Variants in RANBP10 observed in about 807,000 individuals in gnomAD.
RANBP10 encodes the protein RAN binding protein 10, also known as ran-binding protein 10.
In RANBP10, 24 loss-of-function variants were observed where a neutral mutation model predicts 72.8. That is an observed-to-expected ratio of 0.33 (90% CI 0.24 to 0.46). RANBP10 has a LOEUF of 0.46. Among genes scored for constraint, RANBP10 ranks in the 20% least tolerant of loss-of-function variants. RANBP10 has a pLI of 1.00. For missense variants in RANBP10, 679 were observed against 817.5 expected (o/e 0.83, Z 2.07); for synonymous variants, 310 against 322.3 (o/e 0.96, Z 0.41).
At chr16:67,765,759 C>T (rs1038787789) in intron 3 of RANBP10, among the ~76,000 whole-genome samples, 3 of 152,056 alleles carry the variant, frequency 2.0e-5, no homozygotes, top group Non-Finnish European at 4.4e-5. Context: ...TGGCGTGAAC[C>T]CAGGAGGCGG....
intron 2 of RANBP10, among the ~76,000 whole-genome samples, chr16:67,788,417 T>C (rs546107126): frequency 6.6e-6 from 1 of 151,096 alleles, no homozygotes; most frequent in African/African-American, 2.4e-5. Flanking sequence ...CATGCCCGGC[T>C]AATTTTTTGT....
intron 2 of RANBP10, among the ~76,000 whole-genome samples, chr16:67,782,484 C>T (rs2054831067): frequency 1.3e-5 from 2 of 151,352 alleles, no homozygotes; most frequent in South Asian, 4.2e-4. Context: ...CGAAGTCTTG[C>T]TCTGTCACCC....
At chr16:67,773,612 C>T (rs568460458) in intron 2 of RANBP10, among the ~76,000 whole-genome samples, 1 of 152,218 alleles carries the variant, frequency 6.6e-6, no homozygotes, top group East Asian at 1.9e-4. Flanking sequence ...CCTCTGAAAT[C>T]AGCTATCCCA....
intron 5 of RANBP10, among the ~76,000 whole-genome samples, chr16:67,737,325 C>T (rs1452746417): frequency 2.0e-5 from 3 of 151,480 alleles, no homozygotes; most frequent in South Asian, 2.1e-4. Flanking sequence ...CTCAGCCTCC[C>T]GAGGAGCTGG....
intron 3 of RANBP10, among the ~76,000 whole-genome samples, chr16:67,749,318 A>G (rs2054150327): frequency 6.6e-6 from 1 of 152,204 alleles, no homozygotes; most frequent in Admixed American, 6.5e-5. Context: ...GCCTCTATTT[A>G]AACAAAGATT....
chr16:67,731,558 T>G lies in RANBP10; in HGVS notation c.803A>C (p.His268Pro). The G allele has an allele frequency of 6.2e-7, 1 of 1,614,098 alleles. No individual in the cohort carries two copies. The highest frequency in any genetic ancestry group is 8.5e-7 in the Non-Finnish European group (1 of 1,179,978). The change falls in exon 7 of 14, where the codon CAT becomes CCT. Residue 268 changes from histidine to proline, a missense_variant. Coordinates refer to ENST00000317506, the MANE Select transcript of RANBP10 (RefSeq NM_020850.3). Reference sequence around the variant, plus strand: ...AGCCGTGGCTGTGGCACAATACCCATGATGCACGAGGTAAGATGAAACCAT... The same window carrying G: ...AGCCGTGGCTGTGGCACAATACCCAGGATGCACGAGGTAAGATGAAACCAT... ...QNMVSSYLVH[H>P]GYCATATAFA...
rs761318560 is a variant in RANBP10 at position 67,738,021 on chromosome 16, C to A, written c.583G>T (p.Asp195Tyr). The A allele has an allele frequency of 1.3e-6, 2 of 1,590,430 alleles. No individual in the cohort carries two copies. Among genetic ancestry groups the A allele is most frequent in the South Asian group, 2.3e-5 (2 of 87,746 alleles). The change falls in exon 5 of 14, where the codon GAC becomes TAC. Residue 195 changes from aspartate to tyrosine, a missense_variant. Transcript: ENST00000317506. ...NGHSLGIAFT[D>Y]LPANLYPTVG... ...TCAATAGTAGTACTCACCGGGAGGTCTGTGAAGGCTATACCTGTGGGGGGA... is the reference window on the plus strand; with the variant it reads ...TCAATAGTAGTACTCACCGGGAGGTATGTGAAGGCTATACCTGTGGGGGGA...
intron 2 of RANBP10, among the ~76,000 whole-genome samples, chr16:67,780,249 C>A (rs13336189): frequency 0.3 from 44,953 of 151,398 alleles, 10,025 homozygotes; most frequent in African/African-American, 0.63. Flanking sequence ...AACAAACAAA[C>A]AAAAAAACAC....
chr16:67,740,406 TAA>T (rs1378162331), intron 4 of RANBP10, among the ~76,000 whole-genome samples: 2 of 152,142 alleles, frequency 1.3e-5, no homozygotes, highest in Non-Finnish European at 2.9e-5. Context: ...GCCCGGCAGA[TAA>T]AGTCTTATAT....
chr16:67,727,746 T>G lies in RANBP10; in HGVS notation c.1620+5A>C. On this transcript the variant is annotated splice_donor_5th_base_variant and intron_variant, in intron 12 of 13. Transcript: ENST00000317506. The stretch of plus-strand genomic sequence containing the variant: ...GCTCTGCATGAGGCCCGGCTCATCC[T>G]GTACCTGCAGCATCTCTGTGTGGGC... 1 of 1,614,164 alleles carries G rather than the reference T, an allele frequency of 6.2e-7. No individual in the cohort carries two copies. The highest frequency in any genetic ancestry group is 8.5e-7 in the Non-Finnish European group (1 of 1,180,032).
Position 67,731,479 on chromosome 16 carries a change from G to A in RANBP10, c.882C>T (p.Asn294=). The A allele has an allele frequency of 6.2e-7, 1 of 1,612,302 alleles. No homozygotes were observed. Among genetic ancestry groups the A allele is most frequent in the Non-Finnish European group, 8.5e-7 (1 of 1,178,320 alleles). The change falls in exon 7 of 14, where the codon AAC becomes AAT. Residue 294 remains asparagine (N), a synonymous_variant. Transcript: ENST00000317506. ...PIQEEQASIK[N]RQKIQKLVLE... is the part of the protein sequence containing the mutation. The stretch of plus-strand genomic sequence containing the variant: ...AAGTAGAATAAACCTTACTTTGTCT[G>A]TTCTTTATGGACGCCTGTTCTTCCT...
intron 3 of RANBP10, among the ~76,000 whole-genome samples, chr16:67,745,811 G>T (rs1381910769): frequency 6.6e-6 from 1 of 151,934 alleles, no homozygotes; most frequent in East Asian, 1.9e-4. Flanking sequence ...CTTGAGGTCA[G>T]GAGGTCAAGA....
At chr16:67,806,168 G>A (rs111503413) in intron 1 of RANBP10, 134 bp downstream of exon 1, 8 of 847,490 alleles carry the variant, frequency 9.4e-6, no homozygotes, top group African/African-American at 1.7e-5. Flanking sequence ...CACCACCCTG[G>A]ACATCCTGAA....
intron 2 of RANBP10, among the ~76,000 whole-genome samples, chr16:67,792,760 C>T: frequency 7.0e-6 from 1 of 142,848 alleles, no homozygotes; most frequent in East Asian, 2.0e-4. Flanking sequence ...TCCAGCCTGG[C>T]AACAGAGCAA....
intron 3 of RANBP10, among the ~76,000 whole-genome samples, chr16:67,770,794 C>T (rs2054594026): frequency 6.6e-6 from 1 of 152,096 alleles, no homozygotes; most frequent in Non-Finnish European, 1.5e-5. Context: ...ATAAATTAGC[C>T]AGGTGTGGTA....
At chr16:67,802,966 T>C (rs1438900922) in intron 2 of RANBP10, among the ~76,000 whole-genome samples, 3 of 152,206 alleles carry the variant, frequency 2.0e-5, no homozygotes, top group Non-Finnish European at 4.4e-5. Context: ...CTGTTATCTA[T>C]GATAAAGACT....
Position 67,789,964 on chromosome 16 carries a change from G to C in RANBP10, c.347+15464C>G, listed in dbSNP as rs539604159. Among the ~76,000 whole-genome samples, 28 of 151,682 alleles carry C rather than the reference G, an allele frequency of 1.8e-4. 1 individual carries two copies. The East Asian group carries it at 5.3e-3, about 29-fold the overall frequency. ...ATACAAAAATTGGCTGGGCGTGGTGGTGCACACCTGTAATCCCAGCTACTC... is the reference window on the plus strand; with the variant it reads ...ATACAAAAATTGGCTGGGCGTGGTGCTGCACACCTGTAATCCCAGCTACTC... On this transcript the variant is annotated intron_variant, in intron 2 of 13. Coordinates refer to ENST00000317506, the MANE Select transcript of RANBP10 (RefSeq NM_020850.3).
Position 67,806,512 on chromosome 16 carries a change from C to T in RANBP10, c.25G>A (p.Gly9Arg). ...TCCCCAGGCTGCGGGTTCCCAGCTCCCGGGTCTGCCGTCGCTGCCGCCATC... is the reference window on the plus strand; with the variant it reads ...TCCCCAGGCTGCGGGTTCCCAGCTCTCGGGTCTGCCGTCGCTGCCGCCATC... MAAATADP[G>R]AGNPQPGDSS... Residue 9 changes from glycine (G) to arginine (R), a missense_variant, in exon 1 of 14, where the codon GGA (glycine) becomes AGA (arginine). Coordinates refer to ENST00000317506, the MANE Select transcript of RANBP10 (RefSeq NM_020850.3). 6.6e-7 allele frequency: 1 copy of T among 1,518,342 alleles called. No individual in the cohort carries two copies. Among genetic ancestry groups the T allele is most frequent in the South Asian group, 1.2e-5 (1 of 82,618 alleles). 94.1% of individuals were successfully genotyped at this position (1,518,342 alleles called of 1,614,324 possible).
chr16:67,729,273 C>G lies in RANBP10; in HGVS notation c.1352+7G>C. On this transcript the variant is annotated splice_region_variant and intron_variant, in intron 10 of 13. Transcript: ENST00000317506. This position sits in a 1 kb window ranked among gnomAD's most constrained non-coding sequence, Gnocchi z 7.1. The stretch of plus-strand genomic sequence containing the variant: ...AGGCAGAGGAGGAAGCAGAGCAAGG[C>G]AGGCACCTGGTCTCCTGGTTACTGG... 2 of 1,611,464 alleles carry G rather than the reference C, an allele frequency of 1.2e-6. No individual in the cohort carries two copies. The highest frequency in any genetic ancestry group is 1.7e-6 in the Non-Finnish European group (2 of 1,179,458).
Sources: gnomAD v4.1 joint callset for allele counts (sites outside exome capture counted in the v4.1 genomes callset) on GRCh38, gnomAD v4.1.1 for gene constraint, Gnocchi (gnomAD v3.1) non-coding constraint, MANE v1.5 for transcripts, NCBI Gene and HGNC (gene_info 2026-07-23, HGNC 2026-07-21) for gene names.